Variants in NSD1 observed in about 807,000 individuals in gnomAD.
The protein encoded by NSD1 is histone-lysine N-methyltransferase, H3 lysine-36 specific.
A neutral mutation model predicts 242.7 loss-of-function variants in NSD1; 26 were observed. The ratio of observed to expected loss-of-function variants is 0.11; its 90% CI spans 0.08 to 0.15. The LOEUF (loss-of-function observed/expected upper bound fraction) is 0.15, where lower values mean the gene tolerates loss of function less well. NSD1 is among the 10% of genes least tolerant of loss of function. NSD1 has a pLI of 1.00. For missense variants in NSD1, 2,495 were observed against 3,272.8 expected, an observed-to-expected ratio of 0.76 and a Z score of 5.80; for synonymous variants, 1,106 against 1,178.1, an observed-to-expected ratio of 0.94 and a Z score of 1.25.
chr5:177,292,477 T>C (rs911495193), intron 22 of NSD1, among the ~76,000 whole-genome samples: 2 of 152,090 alleles, frequency 1.3e-5, no homozygotes, highest in African/African-American at 4.8e-5. Context: ...ATTGGGGAGG[T>C]GATCTTTCAC....
rs764760238 is a variant in NSD1 at position 177,209,806 on chromosome 5, C to T, written c.1407C>T (p.Asp469=). 1 of 1,614,118 alleles carries T rather than the reference C, an allele frequency of 6.2e-7. No individual in the cohort carries two copies. The highest frequency in any genetic ancestry group is 8.5e-7 in the Non-Finnish European group (1 of 1,180,016). Residue 469 remains aspartate, a synonymous_variant, in exon 5 of 23, where the codon GAC becomes GAT. Transcript: ENST00000439151. ...DCTNDPESEH[D]LLLNGCLKSL... is the part of the protein sequence containing the mutation. ...CAAATGATCCTGAGTCAGAACATGACCTGTTGCTTAATGGCTGTTTGAAAT... is the reference window on the plus strand; with the variant it reads ...CAAATGATCCTGAGTCAGAACATGATCTGTTGCTTAATGGCTGTTTGAAAT...
chr5:177,259,807 T>C (rs865971736), intron 13 of NSD1, among the ~76,000 whole-genome samples, 182 bp from the exon 14 acceptor site: 6 of 152,224 alleles, frequency 3.9e-5, no homozygotes, highest in South Asian at 4.1e-4. Flanking sequence ...TGGAGACTTA[T>C]CACATAGCTC....
chr5:177,146,080 T>TA lies in NSD1; in HGVS notation c.927+10062dup, dbSNP rs79707078. 2.7e-3 allele frequency among the ~76,000 whole-genome samples: 390 copies of TA among 143,438 alleles called. 1 individual carries two copies. Among genetic ancestry groups the TA allele is most frequent in the African/African-American group, 6.9e-3 (271 of 39,236 alleles). The allele number at this position is 143,438 out of a possible 152,430, so 94.1% of individuals were successfully genotyped here. A position where few individuals can be genotyped will look rare whatever the true frequency, so the allele number is the denominator to read the frequency against. ...CTCCAGCCTGGGTGACCCTGTCTCT[T>TA]AAAAAAAAAAAAGAATACAGAGAGG... On this transcript the variant is annotated intron_variant, in intron 2 of 22. Transcript: ENST00000439151.
intron 22 of NSD1, 71 bp from the exon 23 acceptor site, chr5:177,293,761 T>C (rs1581562445): frequency 1.3e-6 from 2 of 1,548,612 alleles, no homozygotes; most frequent in East Asian, 4.5e-5. Flanking sequence ...CTTCGGACTG[T>C]AGCATAGCCT....
At position 177,298,951 on chromosome 5, in the gene NSD1, C is replaced by A. The variant is rs1384555425; in HGVS notation, c.*3492C>A. On this transcript the variant is annotated 3_prime_UTR_variant, in exon 23 of 23. Transcript: ENST00000439151. Reference sequence around the variant, plus strand: ...AGAGGAGCCCAGTGTCCTAACCTCTCTCAGATCATGGCAGAGAAGGAGCTG... The same window carrying A: ...AGAGGAGCCCAGTGTCCTAACCTCTATCAGATCATGGCAGAGAAGGAGCTG... The A allele has an allele frequency of 1.3e-5, 3 of 233,108 alleles. No homozygotes were observed. The highest frequency in any genetic ancestry group is 1.7e-5 in the Non-Finnish European group (2 of 118,010). The allele number at this position is 233,108 out of a possible 1,614,324, so 14.4% of individuals were successfully genotyped here.
intron 2 of NSD1, among the ~76,000 whole-genome samples, chr5:177,142,132 C>A (rs1330228407): frequency 1.3e-5 from 2 of 152,164 alleles, no homozygotes; most frequent in African/African-American, 4.8e-5. Context: ...CTGCGCCCAG[C>A]CTATTATTTT....
At chr5:177,278,574 T>G (rs188982822) in intron 17 of NSD1, among the ~76,000 whole-genome samples, 78 of 152,336 alleles carry the variant, frequency 5.1e-4, no homozygotes, top group African/African-American at 1.8e-3. Flanking sequence ...ATTTTAGGTG[T>G]ACTGGAATGA....
intron 18 of NSD1, among the ~76,000 whole-genome samples, chr5:177,281,924 G>C (rs1315243914): frequency 6.6e-6 from 1 of 152,162 alleles, no homozygotes; most frequent in Non-Finnish European, 1.5e-5. Context: ...ACAGGCATGA[G>C]CCATCACTCT....
intron 2 of NSD1, among the ~76,000 whole-genome samples, chr5:177,145,681 G>A (rs1232581106): frequency 2.6e-5 from 4 of 152,162 alleles, no homozygotes; most frequent in Non-Finnish European, 5.9e-5. Flanking sequence ...GGGAGGCTGA[G>A]GTGGATCACC....
chr5:177,276,689 C>T (rs767375567), intron 17 of NSD1, among the ~76,000 whole-genome samples: 1 of 151,908 alleles, frequency 6.6e-6, no homozygotes. Flanking sequence ...TTGCCTAGGC[C>T]GATCTCCTGG....
chr5:177,211,323 C>T lies in NSD1; in HGVS notation c.2924C>T (p.Ser975Phe), dbSNP rs1763319289. 6.2e-7 allele frequency: 1 copy of T among 1,614,164 alleles called. No individual in the cohort carries two copies. The highest frequency in any genetic ancestry group is 1.1e-5 in the South Asian group (1 of 91,088). The change falls in exon 5 of 23, where the codon TCC becomes TTC. Residue 975 changes from serine (S) to phenylalanine (F), a missense_variant. By Grantham distance (155) the Ser-to-Phe change is radical. Around this residue, in one of 19 missense-constraint regions of NSD1, gnomAD observed 426 missense variants for 411.4 expected, o/e 1.04. Coordinates refer to ENST00000439151, the MANE Select transcript of NSD1 (RefSeq NM_022455.5). ...AAAAAGGGAGATGGCACTCAGAACT[C>T]CGCCAATCCTAGCCCTAGTGGGGGT... ...SEKKGDGTQN[S>F]ANPSPSGGDS... is the part of the protein sequence containing the mutation.
At chr5:177,170,071 G>A (rs1226791488) in intron 2 of NSD1, among the ~76,000 whole-genome samples, 1 of 151,854 alleles carries the variant, frequency 6.6e-6, no homozygotes, top group Non-Finnish European at 1.5e-5. Context: ...TCGGGTTCAC[G>A]CCATTCTCCT....
At chr5:177,252,796 CCTTT>C (rs1340115045) in intron 12 of NSD1, among the ~76,000 whole-genome samples, 1 of 132,526 alleles carries the variant, frequency 7.5e-6, no homozygotes, top group Non-Finnish European at 1.6e-5. Context: ...TCTCTCTCTC[CCTTT>C]TTTTTTTTTT....
chr5:177,218,735 ATTTT>A (rs1410287241), intron 5 of NSD1, among the ~76,000 whole-genome samples: 1 of 149,250 alleles, frequency 6.7e-6, no homozygotes, highest in Non-Finnish European at 1.5e-5. Flanking sequence ...GCCCGGCTAA[ATTTT>A]TTTTGTATTT....
At chr5:177,147,750 C>G (rs187997434) in intron 2 of NSD1, among the ~76,000 whole-genome samples, 2 of 152,096 alleles carry the variant, frequency 1.3e-5, no homozygotes, top group African/African-American at 4.8e-5. Context: ...CCACCACACC[C>G]AGCTAATTTT....
At chr5:177,167,401 G>A (rs1432686802) in intron 2 of NSD1, among the ~76,000 whole-genome samples, 1 of 152,092 alleles carries the variant, frequency 6.6e-6, no homozygotes, top group Non-Finnish European at 1.5e-5. Flanking sequence ...CAGGCTTGGT[G>A]GCGCATGCCT....
chr5:177,224,238 G>T (rs943217599), intron 5 of NSD1, among the ~76,000 whole-genome samples: 1 of 152,240 alleles, frequency 6.6e-6, no homozygotes, highest in East Asian at 1.9e-4. Flanking sequence ...TGCTGAATCT[G>T]TGGGGTAGTT....
intron 21 of NSD1, among the ~76,000 whole-genome samples, chr5:177,289,335 A>T (rs1343410730): frequency 2.0e-5 from 3 of 152,164 alleles, no homozygotes; most frequent in Non-Finnish European, 4.4e-5. Flanking sequence ...AAAAAAAGAA[A>T]AATTCAATGA....
intron 5 of NSD1, among the ~76,000 whole-genome samples, chr5:177,221,979 T>G (rs1013159551): frequency 2.0e-5 from 3 of 151,848 alleles, no homozygotes; most frequent in Non-Finnish European, 2.9e-5. Flanking sequence ...CGAGCTGAGT[T>G]TTTTGTATTT....
Sources: allele counts gnomAD v4.1 joint callset (sites outside exome capture counted in the v4.1 genomes callset), GRCh38; gene constraint gnomAD v4.1.1; regional missense constraint gnomAD v4.1.1; transcripts MANE v1.5; gene names NCBI Gene and HGNC (gene_info 2026-07-23, HGNC 2026-07-21).